Variants in NRXN3 observed in about 807,000 individuals in gnomAD.
NRXN3 encodes the protein neurexin III.
Under a neutral mutation model 137.6 loss-of-function variants are expected in NRXN3, and 32 were observed. The observed-to-expected ratio is 0.23, with a 90% confidence interval of 0.18 to 0.31. NRXN3 has a LOEUF of 0.31. NRXN3 is among the 10% of genes least tolerant of loss of function. NRXN3 has a pLI of 1.00. For synonymous variants in NRXN3, 798 were observed against 784.5 expected (o/e 1.02, Z -0.29); for missense variants, 1,574 against 2,062.5 (o/e 0.76, Z 4.59).
intron 15 of NRXN3, among the ~76,000 whole-genome samples, chr14:79,420,864 A>T (rs1428745510): frequency 1.3e-5 from 2 of 152,216 alleles, no homozygotes; most frequent in Non-Finnish European, 2.9e-5. Context: ...TAGAACTAAT[A>T]GCAGCAAGGA....
chr14:78,979,370 C>A (rs77026723), intron 14 of NRXN3, among the ~76,000 whole-genome samples: 2 of 152,036 alleles, frequency 1.3e-5, no homozygotes, highest in African/African-American at 4.8e-5. Flanking sequence ...CTTTCATAAT[C>A]CATTTGCATT....
At chr14:79,751,998 A>G (rs919081604) in intron 19 of NRXN3, among the ~76,000 whole-genome samples, 7 of 152,274 alleles carry the variant, frequency 4.6e-5, no homozygotes, top group Admixed American at 3.3e-4. Context: ...GGATTTTTGC[A>G]TCAATGTTCA....
rs79208409 is a variant in NRXN3 at position 79,131,495 on chromosome 14, T to C, written c.3262+143354T>C. 4.1e-3 allele frequency among the ~76,000 whole-genome samples: 625 copies of C among 152,092 alleles called. 3 individuals are homozygous for C. The highest frequency in any genetic ancestry group is 0.014 in the African/African-American group (597 of 41,490). ...GCCTCCCAGTTAGGCTGCTTGGGGG[T>C]CAGGGGTCAGGGACCCATTTGAGGG... On this transcript the variant is annotated intron_variant, in intron 15 of 20. Transcript: ENST00000335750.
chr14:78,577,947 T>G (rs1316250576), intron 4 of NRXN3, among the ~76,000 whole-genome samples: 2 of 152,160 alleles, frequency 1.3e-5, no homozygotes, highest in African/African-American at 4.8e-5. Context: ...TATTGGCAGT[T>G]TCTTTTGGTT....
intron 15 of NRXN3, among the ~76,000 whole-genome samples, chr14:79,236,681 G>A (rs1032435626): frequency 2.6e-5 from 4 of 152,098 alleles, no homozygotes; most frequent in Admixed American, 6.6e-5. Flanking sequence ...GGAGGCCGAG[G>A]TGGGAGGATC....
chr14:79,739,198 A>G (rs117922293), intron 19 of NRXN3, among the ~76,000 whole-genome samples: 2,843 of 152,332 alleles, frequency 0.019, 45 homozygotes, highest in Middle Eastern at 0.061. Context: ...TCTGTGACAA[A>G]GAGACAGAAT....
intron 16 of NRXN3, among the ~76,000 whole-genome samples, chr14:79,509,907 A>G (rs918534675): frequency 9.9e-5 from 15 of 152,176 alleles, no homozygotes; most frequent in Non-Finnish European, 1.9e-4. Context: ...AACAACCTCC[A>G]AAAAAGAAAT....
intron 19 of NRXN3, among the ~76,000 whole-genome samples, chr14:79,758,895 C>T (rs796256492): frequency 7.9e-5 from 12 of 152,254 alleles, no homozygotes; most frequent in African/African-American, 2.9e-4. Context: ...CCAGAGAAGT[C>T]ATTTAAACTG....
At chr14:78,505,048 C>T (rs2095959753) in intron 4 of NRXN3, among the ~76,000 whole-genome samples, 1 of 152,138 alleles carries the variant, frequency 6.6e-6, no homozygotes, top group Non-Finnish European at 1.5e-5. Flanking sequence ...CATTCCATTA[C>T]AAACAGGACC....
chr14:79,718,245 A>G (rs2098830357), intron 19 of NRXN3, among the ~76,000 whole-genome samples: 1 of 152,126 alleles, frequency 6.6e-6, no homozygotes, highest in South Asian at 2.1e-4. Context: ...TTTACAGCAG[A>G]GGGAACGGTT....
chr14:79,381,568 G>A (rs2094471320), intron 15 of NRXN3, among the ~76,000 whole-genome samples: 2 of 152,098 alleles, frequency 1.3e-5, no homozygotes, highest in Non-Finnish European at 2.9e-5. Flanking sequence ...CCTGAAAAAT[G>A]GGAAATTGTA....
At chr14:79,130,931 A>G (rs976246285) in intron 15 of NRXN3, among the ~76,000 whole-genome samples, 10 of 151,818 alleles carry the variant, frequency 6.6e-5, no homozygotes, top group African/African-American at 2.4e-4. Flanking sequence ...CATTCACTTC[A>G]TCTTCCATCG....
In NRXN3 at chr14:79,653,106, T is replaced by C. The variant is rs547142856; in HGVS notation, c.3445-10672T>C. ...GGCACTGCTGATATATTACAGTCTGTTGGCCATTTTGTTTATGATAACTAG... is the reference window on the plus strand; with the variant it reads ...GGCACTGCTGATATATTACAGTCTGCTGGCCATTTTGTTTATGATAACTAG... On this transcript the variant is annotated intron_variant, in intron 16 of 20. Coordinates refer to ENST00000335750, the MANE Select transcript of NRXN3 (RefSeq NM_001330195.2). Among the ~76,000 whole-genome samples, 4 of 152,234 alleles carry C rather than the reference T, an allele frequency of 2.6e-5. No individual in the cohort carries two copies. In the South Asian group the frequency reaches 6.2e-4, roughly 24 times the overall value.
At chr14:78,838,683 A>G (rs1339035112) in intron 10 of NRXN3, among the ~76,000 whole-genome samples, 1 of 152,170 alleles carries the variant, frequency 6.6e-6, no homozygotes, top group Non-Finnish European at 1.5e-5. Context: ...AGTTTTGGCC[A>G]AGGAGAGTAA....
chr14:78,519,655 A>G (rs1024885766), intron 4 of NRXN3, among the ~76,000 whole-genome samples: 59 of 152,294 alleles, frequency 3.9e-4, no homozygotes, highest in African/African-American at 1.4e-3. Flanking sequence ...GAAGACCACC[A>G]TTAAGTCAGA....
intron 4 of NRXN3, among the ~76,000 whole-genome samples, chr14:78,511,315 T>C (rs1343201447): frequency 1.3e-5 from 2 of 152,230 alleles, no homozygotes; most frequent in African/African-American, 2.4e-5. Context: ...AGTTTCCTCA[T>C]CTGTCATCTC....
intron 4 of NRXN3, among the ~76,000 whole-genome samples, chr14:78,564,829 C>T (rs2096822854): frequency 6.6e-6 from 1 of 152,118 alleles, no homozygotes; most frequent in Non-Finnish European, 1.5e-5. Flanking sequence ...AGTATTCTCC[C>T]CTATATTTAG....
intron 3 of NRXN3, among the ~76,000 whole-genome samples, chr14:78,283,558 G>T (rs1356683355): frequency 6.6e-6 from 1 of 151,650 alleles, no homozygotes; most frequent in African/African-American, 2.4e-5. Context: ...ACCCAGACTG[G>T]CATGTAATGG....
chr14:78,851,844 T>C (rs2099043502), intron 10 of NRXN3, among the ~76,000 whole-genome samples: 1 of 152,166 alleles, frequency 6.6e-6, no homozygotes, highest in African/African-American at 2.4e-5. Context: ...TTTTGGCATA[T>C]AGCTATTCTA....
Sources: allele counts gnomAD v4.1 joint callset (sites outside exome capture counted in the v4.1 genomes callset), GRCh38; gene constraint gnomAD v4.1.1; transcripts MANE v1.5; gene names NCBI Gene and HGNC (gene_info 2026-07-23, HGNC 2026-07-21).